The following PTPRT variants were observed in gnomAD, a reference collection of about 807,000 sequenced individuals.
PTPRT encodes receptor-type tyrosine-protein phosphatase T.
In PTPRT, 56 loss-of-function variants were observed where a neutral mutation model predicts 176.8. The ratio of observed to expected loss-of-function variants is 0.32; its 90% CI spans 0.26 to 0.40. The LOEUF (loss-of-function observed/expected upper bound fraction) is 0.40. Ranked by LOEUF, PTPRT falls within the 10% of genes least tolerant of loss-of-function variation. The pLI is 1.00. For synonymous variants in PTPRT, 783 were observed against 739.0 expected (o/e 1.06, Z -0.96); for missense variants, 1,540 against 1,908.2 (o/e 0.81, Z 3.60).
chr20:42,252,990 G>A (rs1324661687), intron 13 of PTPRT, among the ~76,000 whole-genome samples: 1 of 152,228 alleles, frequency 6.6e-6, no homozygotes, highest in East Asian at 1.9e-4. Flanking sequence ...CTCTTTAGGG[G>A]AACTTGCCCT....
chr20:42,908,862 C>T (rs757776185), intron 1 of PTPRT, among the ~76,000 whole-genome samples: 14 of 152,132 alleles, frequency 9.2e-5, no homozygotes, highest in Non-Finnish European at 1.5e-4. Flanking sequence ...TTTAATTATA[C>T]ACAAGGAAAT....
chr20:42,504,374 C>G (rs1390194398), intron 7 of PTPRT, among the ~76,000 whole-genome samples: 1 of 152,062 alleles, frequency 6.6e-6, no homozygotes, highest in Non-Finnish European at 1.5e-5. Context: ...GCAATTTCCT[C>G]TTTGCAACTG....
At chr20:42,477,685 C>A (rs2071314729) in intron 7 of PTPRT, among the ~76,000 whole-genome samples, 1 of 152,190 alleles carries the variant, frequency 6.6e-6, no homozygotes, top group Non-Finnish European at 1.5e-5. Context: ...ATGGTTTCTG[C>A]CTCCAGATAA....
Position 42,872,637 on chromosome 20 carries a change from T to C in PTPRT, c.214+13170A>G, listed in dbSNP as rs1043896232. ...ATCACTAAATTCCTATGTTTAGAAATGCCTTCTTCTTGATTCATAAATTAC... is the reference window on the plus strand; with the variant it reads ...ATCACTAAATTCCTATGTTTAGAAACGCCTTCTTCTTGATTCATAAATTAC... On this transcript the variant is annotated intron_variant, in intron 2 of 30. Coordinates refer to ENST00000373187, the MANE Select transcript of PTPRT (RefSeq NM_007050.6). 1.2e-4 allele frequency among the ~76,000 whole-genome samples: 19 copies of C among 152,358 alleles called. 1 individual carries two copies. Among genetic ancestry groups the C allele is most frequent in the Admixed American group, 1.2e-3 (19 of 15,304 alleles).
chr20:42,577,923 CTGTGTGTGTG>C (rs777761268), intron 7 of PTPRT, among the ~76,000 whole-genome samples: 130 of 111,324 alleles, frequency 1.2e-3, no homozygotes, highest in Non-Finnish European at 1.8e-3. Flanking sequence ...CTGAGCGAGG[CTGTGTGTGTG>C]TGTGTGTGTG....
chr20:43,111,595 T>C (rs1192477912), intron 1 of PTPRT, among the ~76,000 whole-genome samples: 1 of 150,172 alleles, frequency 6.7e-6, no homozygotes, highest in East Asian at 2.0e-4. Context: ...GGGACTTGTA[T>C]ATCCACTTTA....
At chr20:42,167,969 C>T (rs922084243) in intron 16 of PTPRT, among the ~76,000 whole-genome samples, 1 of 152,090 alleles carries the variant, frequency 6.6e-6, no homozygotes, top group African/African-American at 2.4e-5. Flanking sequence ...TTATTGATAA[C>T]ATAAACAGCT....
intron 7 of PTPRT, among the ~76,000 whole-genome samples, chr20:42,536,257 G>T (rs1169265318): frequency 1.3e-5 from 2 of 152,096 alleles, no homozygotes; most frequent in African/African-American, 4.8e-5. Context: ...AGCTGCCTAT[G>T]CCCTATACAT....
chr20:42,793,582 G>C (rs11698607), intron 2 of PTPRT, among the ~76,000 whole-genome samples: 12,806 of 152,230 alleles, frequency 0.084, 563 homozygotes, highest in South Asian at 0.2. Flanking sequence ...GTCTTTGCCT[G>C]GTGTTTCTGA....
At chr20:42,457,109 G>A (rs1438553356) in intron 8 of PTPRT, among the ~76,000 whole-genome samples, 1 of 152,010 alleles carries the variant, frequency 6.6e-6, no homozygotes, top group Non-Finnish European at 1.5e-5. Flanking sequence ...TGGTTACTGT[G>A]AAATAAACAC....
intron 2 of PTPRT, among the ~76,000 whole-genome samples, chr20:42,813,879 T>C (rs1157320831): frequency 1.3e-5 from 2 of 152,196 alleles, no homozygotes; most frequent in Non-Finnish European, 2.9e-5. Flanking sequence ...CCTATTTTCA[T>C]TTATCTTACT....
At chr20:43,185,959 C>A (rs1278185795) in intron 1 of PTPRT, among the ~76,000 whole-genome samples, 1 of 151,690 alleles carries the variant, frequency 6.6e-6, no homozygotes, top group African/African-American at 2.4e-5. Flanking sequence ...TAAAAATCAT[C>A]ACCAAACCCA....
In PTPRT at chr20:42,084,765, G is replaced by A; in HGVS notation, c.4053C>T (p.Arg1351=). The A allele has an allele frequency of 1.3e-6, 2 of 1,562,900 alleles. No individual in the cohort carries two copies. Among genetic ancestry groups the A allele is most frequent in the East Asian group, 2.3e-5 (1 of 43,052 alleles). ...PAYRDTPPSK[R]SLLKVVRRLE... ...GTCGTCGGACCACTTTGAGCAGAGA[G>A]CGCTTGGAGGGGGGCGTGTCCCGGT... Residue 1351 remains arginine, a synonymous_variant, in exon 29 of 31, where the codon CGC becomes CGT. Transcript: ENST00000373187.
chr20:42,514,203 C>T (rs1451222124), intron 7 of PTPRT, among the ~76,000 whole-genome samples: 1 of 152,136 alleles, frequency 6.6e-6, no homozygotes, highest in African/African-American at 2.4e-5. Context: ...AATAAAATGC[C>T]AATGTTTGCC....
intron 2 of PTPRT, among the ~76,000 whole-genome samples, chr20:42,864,354 G>A (rs2078710482): frequency 6.6e-6 from 1 of 152,148 alleles, no homozygotes; most frequent in Non-Finnish European, 1.5e-5. Context: ...AGAGGGGAGA[G>A]AGGAGAGGGA....
At chr20:42,975,916 A>AC (rs1277432180) in intron 1 of PTPRT, among the ~76,000 whole-genome samples, 12 of 142,432 alleles carry the variant, frequency 8.4e-5, no homozygotes, top group South Asian at 2.2e-4. Context: ...AGTCCAACTT[A>AC]CCCCCCCACC....
chr20:42,282,810 A>G (rs1013958792), intron 12 of PTPRT, among the ~76,000 whole-genome samples: 19 of 152,130 alleles, frequency 1.2e-4, no homozygotes, highest in African/African-American at 4.6e-4. Context: ...AACATATCAG[A>G]TAATTCCCAG....
At chr20:42,402,001 G>T (rs2058912934) in intron 9 of PTPRT, among the ~76,000 whole-genome samples, 2 of 152,300 alleles carry the variant, frequency 1.3e-5, no homozygotes, top group South Asian at 2.1e-4. Context: ...GACCCTTAGT[G>T]GTGGGAATTT....
At chr20:42,410,074 G>C (rs1568854986) in intron 9 of PTPRT, among the ~76,000 whole-genome samples, 1 of 152,072 alleles carries the variant, frequency 6.6e-6, no homozygotes, top group Non-Finnish European at 1.5e-5. Context: ...GATGTTTCAT[G>C]CAAAAACTTA....
Sources: allele counts gnomAD v4.1 joint callset (sites outside exome capture counted in the v4.1 genomes callset), GRCh38; gene constraint gnomAD v4.1.1; transcripts MANE v1.5; gene names NCBI Gene and HGNC (gene_info 2026-07-23, HGNC 2026-07-21).